Variants in TBC1D24 observed in about 807,000 individuals in gnomAD.
TBC1D24 encodes Infantile myoclonic epilepsy.
In TBC1D24, 47 loss-of-function variants were observed where a neutral mutation model predicts 50.7. That is an observed-to-expected ratio of 0.93 (90% confidence interval 0.73 to 1.18). The LOEUF is 1.18. Among genes scored for constraint, TBC1D24 ranks in the 50% most tolerant of loss-of-function variants. The probability of loss-of-function intolerance (pLI) is 0.00; values close to 1 mark genes in which losing one functional copy is unlikely to be tolerated. For missense variants in TBC1D24, 688 were observed against 766.5 expected (o/e 0.90, Z 1.21); for synonymous variants, 324 against 335.2 (o/e 0.97, Z 0.36).
intron 1 of TBC1D24, among the ~76,000 whole-genome samples, chr16:2,490,550 G>C (rs1265398192): frequency 6.6e-6 from 1 of 152,200 alleles, no homozygotes; most frequent in African/African-American, 2.4e-5. Flanking sequence ...CCCGGAGAGA[G>C]AGTGGGATAG....
At chr16:2,489,181 C>T (rs568460204) in intron 1 of TBC1D24, among the ~76,000 whole-genome samples, 1 of 152,088 alleles carries the variant, frequency 6.6e-6, no homozygotes, top group African/African-American at 2.4e-5. Flanking sequence ...CCTGTAATCC[C>T]AGCACTTTGG....
At position 2,487,428 on chromosome 16, in the gene TBC1D24, G is replaced by C. The variant is rs1390416070; in HGVS notation, c.-115-8606G>C. 6.6e-6 allele frequency among the ~76,000 whole-genome samples: 1 copy of C among 152,230 alleles called. No homozygotes were observed. The highest frequency in any genetic ancestry group is 2.4e-5 in the African/African-American group (1 of 41,460). On this transcript the variant is annotated intron_variant, in intron 1 of 7. Transcript: ENST00000646147. The surrounding 1 kb of genome is among the most constrained non-coding windows in gnomAD (Gnocchi z 4.1). ...TCCCCAGGAAGGGAGGCACGGTGTC[G>C]GGGTTGGTGTTGGCCGTGTTAAAAT...
rs904577838 is a variant in TBC1D24, at chr16:2,500,731, G to T, written c.1526-73G>T. ...GAGGCCCGTGCAGGGCAGGACAGCT[G>T]GGACAGCAGGTGAGGTGCCTGGGTC... On this transcript the variant is annotated intron_variant, in intron 7 of 7. Coordinates refer to ENST00000646147, the MANE Select transcript of TBC1D24 (RefSeq NM_001199107.2). The surrounding 1 kb of genome is among the most constrained non-coding windows in gnomAD (Gnocchi z 8.0). The T allele has an allele frequency of 4.6e-5, 70 of 1,532,316 alleles. No homozygotes were observed. The highest frequency in any genetic ancestry group is 5.9e-5 in the Non-Finnish European group (67 of 1,141,986). 94.9% of individuals were successfully genotyped at this position (1,532,316 alleles called of 1,614,324 possible). A position where few individuals can be genotyped will look rare whatever the true frequency, so the allele number is the denominator to read the frequency against.
At chr16:2,494,355 T>C (rs1463734978) in intron 1 of TBC1D24, among the ~76,000 whole-genome samples, 1 of 149,362 alleles carries the variant, frequency 6.7e-6, no homozygotes, top group Admixed American at 6.7e-5. Context: ...GAAGTTGCAG[T>C]GAGCCGAGAT....
chr16:2,483,585 C>G lies in TBC1D24; in HGVS notation c.-116+8415C>G, dbSNP rs575483419. The G allele has an allele frequency of 6.6e-6, 1 of 152,432 alleles. No individual in the cohort carries two copies. Among genetic ancestry groups the G allele is most frequent in the East Asian group, 1.9e-4 (1 of 5,164 alleles). 9.4% of individuals were successfully genotyped at this position (152,432 alleles called of 1,614,324 possible). ...AGTGGTTTTCTGGAATGCCCGGGGA[C>G]TGGATAAAAAGGTAGAGATGTAAAG... is the stretch of plus-strand genomic sequence containing the variant. On this transcript the variant is annotated intron_variant, in intron 1 of 7. Coordinates refer to ENST00000646147, the MANE Select transcript of TBC1D24 (RefSeq NM_001199107.2). This position sits in a 1 kb window ranked among gnomAD's most constrained non-coding sequence, Gnocchi z 4.0.
Position 2,499,864 on chromosome 16 carries a change from G to C in TBC1D24, c.1236G>C (p.Trp412Cys), listed in dbSNP as rs863224931. ...GTGGTGCTTACCTGTCCACAGACTGGAGTGAGAGAAATAAGTTTGGAGGCA... is the reference window on the plus strand; with the variant it reads ...GTGGTGCTTACCTGTCCACAGACTGCAGTGAGAGAAATAAGTTTGGAGGCA... ...EVCGAYLSTD[W>C]SERNKFGGKL... Residue 412 changes from tryptophan to cysteine, a missense_variant, in exon 6 of 8, where the codon TGG becomes TGC. By Grantham distance (215) the Trp-to-Cys change is radical (BLOSUM62 -2). Coordinates refer to ENST00000646147, the MANE Select transcript of TBC1D24 (RefSeq NM_001199107.2). This position sits in a 1 kb window ranked among gnomAD's most constrained non-coding sequence, Gnocchi z 4.0. The C allele has an allele frequency of 6.2e-7, 1 of 1,614,140 alleles. No homozygotes were observed. Among genetic ancestry groups the C allele is most frequent in the Admixed American group, 1.7e-5 (1 of 60,030 alleles).
rs891344080 is a variant in TBC1D24, at chr16:2,492,665, G to A, written c.-115-3369G>A. Among the ~76,000 whole-genome samples, 3 of 152,124 alleles carry A rather than the reference G, an allele frequency of 2.0e-5. No individual in the cohort carries two copies. The South Asian group carries it at 6.2e-4, about 32-fold the overall frequency. On this transcript the variant is annotated intron_variant, in intron 1 of 7. Coordinates refer to ENST00000646147, the MANE Select transcript of TBC1D24 (RefSeq NM_001199107.2). ...CTGTGCGCATGTGAGTGGACCTGTC[G>A]GCCTGACCTTCAGGACCAGGGAAAG...
Position 2,497,123 on chromosome 16 carries a change from C to T in TBC1D24, c.965+10C>T, listed in dbSNP as rs756687194. ...CCGTGAAGCAGAAGAGGTAGGTCGC[C>T]GGCAGCCTGTGAGGGGTACACCCAG... On this transcript the variant is annotated intron_variant, in intron 2 of 7. Transcript: ENST00000646147. The T allele has an allele frequency of 1.0e-5, 16 of 1,599,384 alleles. No homozygotes were observed. Among genetic ancestry groups the T allele is most frequent in the Admixed American group, 3.3e-5 (2 of 59,996 alleles).
chr16:2,489,916 G>T (rs145430214), intron 1 of TBC1D24, among the ~76,000 whole-genome samples: 10 of 152,336 alleles, frequency 6.6e-5, no homozygotes, highest in Non-Finnish European at 1.3e-4. Flanking sequence ...TTCCCACTGC[G>T]CTTGGAATAT....
chr16:2,489,225 T>G (rs2065676722), intron 1 of TBC1D24, among the ~76,000 whole-genome samples: 1 of 149,638 alleles, frequency 6.7e-6, no homozygotes, highest in African/African-American at 2.5e-5. Context: ...AGGTCAGGAG[T>G]TCGAGATCAG....
In TBC1D24 at chr16:2,499,816, A is replaced by G. The variant is rs944302929; in HGVS notation, c.1207-19A>G. ...CCTGGGGGCCTGCGGGCACAGCCTC[A>G]CCCAGACCTTTCCCCCAGGTGTGTG... On this transcript the variant is annotated intron_variant, in intron 5 of 7. Transcript: ENST00000646147. The surrounding 1 kb of genome is among the most constrained non-coding windows in gnomAD (Gnocchi z 4.0). 3.7e-6 allele frequency: 6 copies of G among 1,609,500 alleles called. No homozygotes were observed. The highest frequency in any genetic ancestry group is 5.1e-6 in the Non-Finnish European group (6 of 1,175,910).
In TBC1D24 at chr16:2,482,834, A is replaced by T. The variant is rs2065619902; in HGVS notation, c.-116+7664A>T. Among the ~76,000 whole-genome samples, 1 of 152,018 alleles carries T rather than the reference A, an allele frequency of 6.6e-6. No homozygotes were observed. Among genetic ancestry groups the T allele is most frequent in the African/African-American group, 2.4e-5 (1 of 41,380 alleles). ...GTGGAGGAGCAGCCGCGGAGAGGTG[A>T]GGGGATGCCTGGCAGGGAGGCAGGC... On this transcript the variant is annotated intron_variant, in intron 1 of 7. Coordinates refer to ENST00000646147, the MANE Select transcript of TBC1D24 (RefSeq NM_001199107.2). This position sits in a 1 kb window ranked among gnomAD's most constrained non-coding sequence, Gnocchi z 5.2.
In TBC1D24 at chr16:2,496,589, C is replaced by G. The variant is rs149371169; in HGVS notation, c.441C>G (p.Asp147Glu). The G allele has an allele frequency of 6.2e-7, 1 of 1,609,646 alleles. No homozygotes were observed. Among genetic ancestry groups the G allele is most frequent in the South Asian group, 1.1e-5 (1 of 91,086 alleles). The part of the protein sequence containing the change: ...VVALLLHYSI[D>E]EAECFEKACR... ...CCCTGCTGCTGCACTACAGCATCGA[C>G]GAGGCCGAGTGCTTCGAGAAGGCCT... is the stretch of plus-strand genomic sequence containing the variant. Residue 147 changes from aspartate to glutamate, a missense_variant, in exon 2 of 8, where the codon GAC (aspartate) becomes GAG (glutamate). Asp to Glu is a conservative substitution (Grantham distance 45). Transcript: ENST00000646147.
chr16:2,500,196 C>A lies in TBC1D24; in HGVS notation c.1303-72C>A. 1 of 1,401,018 alleles carries A rather than the reference C, an allele frequency of 7.1e-7. No homozygotes were observed. Among genetic ancestry groups the A allele is most frequent in the Non-Finnish European group, 9.9e-7 (1 of 1,012,428 alleles). 86.8% of individuals were successfully genotyped at this position (1,401,018 alleles called of 1,614,324 possible). A position where few individuals can be genotyped will look rare whatever the true frequency, so the allele number is the denominator to read the frequency against. On this transcript the variant is annotated intron_variant, in intron 6 of 7. Coordinates refer to ENST00000646147, the MANE Select transcript of TBC1D24 (RefSeq NM_001199107.2). This position sits in a 1 kb window ranked among gnomAD's most constrained non-coding sequence, Gnocchi z 8.0. ...CTGGGTGCAGATTCACGGGATGAAA[C>A]GGGTTGTGGCTCTGGGGCAGAGGGG... is the stretch of plus-strand genomic sequence containing the variant.
rs1329665241 is a variant in TBC1D24, at chr16:2,487,354, C to T, written c.-115-8680C>T. On this transcript the variant is annotated intron_variant, in intron 1 of 7. Coordinates refer to ENST00000646147, the MANE Select transcript of TBC1D24 (RefSeq NM_001199107.2). The surrounding 1 kb of genome is among the most constrained non-coding windows in gnomAD (Gnocchi z 4.1). ...GACTAACTGCAGGACGAGGGAGCCG[C>T]GGTCGTATGCTGCCTCCTCACGTTT... Among the ~76,000 whole-genome samples the T allele has an allele frequency of 1.3e-5, 2 of 152,234 alleles. No homozygotes were observed. Among genetic ancestry groups the T allele is most frequent in the East Asian group, 1.9e-4 (1 of 5,202 alleles).
At chr16:2,476,550 G>C (rs1008073219) in intron 1 of TBC1D24, 3 of 152,258 alleles carry the variant, frequency 2.0e-5, no homozygotes, top group African/African-American at 7.2e-5. Context: ...CACTCAGATA[G>C]AGGCTTTACA....
intron 1 of TBC1D24, chr16:2,493,722 G>C (rs150561408): frequency 6.6e-6 from 1 of 152,184 alleles, no homozygotes; most frequent in African/African-American, 2.4e-5. Flanking sequence ...TCTGATGTGC[G>C]TAAGCAAACC....
rs758878783 is a variant in TBC1D24 at position 2,499,956 on chromosome 16, C to G, written c.1302+26C>G. 1 of 1,602,338 alleles carries G rather than the reference C, an allele frequency of 6.2e-7. No homozygotes were observed. The highest frequency in any genetic ancestry group is 8.6e-7 in the Non-Finnish European group (1 of 1,169,500). ...GTGAGTGGGGCCAAGTGTCCCCAAA[C>G]CCCCACGCAGACCCTGTAGCTGCAT... On this transcript the variant is annotated intron_variant, in intron 6 of 7. Transcript: ENST00000646147. The surrounding 1 kb of genome is among the most constrained non-coding windows in gnomAD (Gnocchi z 4.0).
At chr16:2,478,656 T>G (rs1186325921) in intron 1 of TBC1D24, 1 of 152,158 alleles carries the variant, frequency 6.6e-6, no homozygotes, top group East Asian at 1.9e-4. Context: ...TAATACAGTC[T>G]TAAAGTCAGT....
Sources: allele counts gnomAD v4.1 joint callset (sites outside exome capture counted in the v4.1 genomes callset), GRCh38; gene constraint gnomAD v4.1.1; non-coding constraint Gnocchi (gnomAD v3.1); transcripts MANE v1.5; gene names NCBI Gene and HGNC (gene_info 2026-07-23, HGNC 2026-07-21).